The following LYPLAL1 variants were observed in gnomAD, a reference collection of about 807,000 sequenced individuals.
The protein encoded by LYPLAL1 is lysophospholipase-like protein 1.
A neutral mutation model predicts 19.7 loss-of-function variants in LYPLAL1; 23 were observed. The ratio of observed to expected loss-of-function variants is 1.17; its 90% confidence interval spans 0.84 to 1.65. LYPLAL1 has a LOEUF of 1.65. LYPLAL1 is among the 40% of genes most tolerant of loss of function. LYPLAL1 has a pLI of 0.00. For missense variants in LYPLAL1, 355 were observed against 279.4 expected, an observed-to-expected ratio of 1.27 and a Z score of -1.93; for synonymous variants, 119 against 96.3, an observed-to-expected ratio of 1.24 and a Z score of -1.38.
intron 2 of LYPLAL1, among the ~76,000 whole-genome samples, chr1:219,182,225 A>T (rs1656349225): frequency 6.9e-6 from 1 of 145,560 alleles, no homozygotes; most frequent in South Asian, 2.1e-4. Flanking sequence ...GTAGCTTTTA[A>T]CTGGTTTCCA....
the LYPLAL1 span, among the ~76,000 whole-genome samples, chr1:219,378,043 G>A: frequency 6.6e-6 from 1 of 152,158 alleles, no homozygotes. Context: ...ATGGTGAGGA[G>A]GATTTGGCCA....
the LYPLAL1 span, among the ~76,000 whole-genome samples, chr1:219,380,238 T>C: frequency 6.6e-6 from 1 of 152,318 alleles, no homozygotes; most frequent in African/African-American, 2.4e-5. Context: ...AATAAATGCC[T>C]GTGAAAACTA....
chr1:219,262,047 TG>T, the LYPLAL1 span, among the ~76,000 whole-genome samples: 1 of 152,106 alleles, frequency 6.6e-6, no homozygotes, highest in Non-Finnish European at 1.5e-5. Context: ...TATATTTTTT[TG>T]TTCTTTCTTA....
the LYPLAL1 span, among the ~76,000 whole-genome samples, chr1:219,321,917 G>A: frequency 1.3e-5 from 2 of 152,106 alleles, no homozygotes; most frequent in Non-Finnish European, 2.9e-5. Context: ...TTGAAGTTTT[G>A]GAAACTGGAA....
the LYPLAL1 span, among the ~76,000 whole-genome samples, chr1:219,238,431 G>T: frequency 6.7e-6 from 1 of 149,584 alleles, no homozygotes; most frequent in African/African-American, 2.5e-5. Context: ...GATTACAGGC[G>T]TGAGCCACTG....
the LYPLAL1 span, among the ~76,000 whole-genome samples, chr1:219,235,184 A>G: frequency 1.3e-5 from 2 of 152,318 alleles, no homozygotes; most frequent in South Asian, 4.1e-4. Context: ...GATGGCTGAC[A>G]AGACACTTTG....
At chr1:219,282,584 T>G in the LYPLAL1 span, among the ~76,000 whole-genome samples, 1 of 151,734 alleles carries the variant, frequency 6.6e-6, no homozygotes, top group Non-Finnish European at 1.5e-5. Flanking sequence ...CCTAGAAGCT[T>G]CCAAAGGGGA....
intron 2 of LYPLAL1, chr1:219,179,458 T>G (rs1019248341): frequency 2.1e-6 from 1 of 475,210 alleles, no homozygotes; most frequent in African/African-American, 2.0e-5. Flanking sequence ...TGTAAAGCAT[T>G]CCCTAAAGCT....
the LYPLAL1 span, among the ~76,000 whole-genome samples, chr1:219,381,807 CAA>C: frequency 1.3e-5 from 2 of 152,078 alleles, no homozygotes; most frequent in African/African-American, 4.8e-5. Flanking sequence ...ACTAAAGATA[CAA>C]AAAAGATTAA....
chr1:219,306,811 T>TGC, the LYPLAL1 span, among the ~76,000 whole-genome samples: 2,773 of 130,356 alleles, frequency 0.021, 104 homozygotes, highest in East Asian at 0.11. Flanking sequence ...CATAGATAGA[T>TGC]ATAGATAGAT....
chr1:219,436,012 C>T, the LYPLAL1 span, among the ~76,000 whole-genome samples: 8 of 152,252 alleles, frequency 5.3e-5, no homozygotes, highest in Non-Finnish European at 1.2e-4. Context: ...TTTCATTCTG[C>T]CCCAGTGCCA....
chr1:219,235,723 A>G, the LYPLAL1 span, among the ~76,000 whole-genome samples: 86 of 152,278 alleles, frequency 5.6e-4, 1 homozygote, highest in African/African-American at 2.0e-3. Flanking sequence ...CATGAGGAAG[A>G]TTTTTCGATG....
chr1:219,266,096 ATAAAT>A, the LYPLAL1 span, among the ~76,000 whole-genome samples: 10 of 152,146 alleles, frequency 6.6e-5, no homozygotes, highest in African/African-American at 1.4e-4. Context: ...TTCTTCAATA[ATAAAT>A]TAAACTTTGC....
the LYPLAL1 span, among the ~76,000 whole-genome samples, chr1:219,350,512 A>C: frequency 6.6e-6 from 1 of 152,224 alleles, no homozygotes; most frequent in Non-Finnish European, 1.5e-5. Context: ...AGCATTCTGC[A>C]CTTTGGTAGA....
chr1:219,188,063 A>G (rs1448782801), intron 2 of LYPLAL1, among the ~76,000 whole-genome samples: 1 of 151,776 alleles, frequency 6.6e-6, no homozygotes, highest in Non-Finnish European at 1.5e-5. Context: ...AGACATTGTT[A>G]TTTCTGGCTG....
chr1:219,425,783 T>C, the LYPLAL1 span, among the ~76,000 whole-genome samples: 3 of 152,232 alleles, frequency 2.0e-5, no homozygotes, highest in African/African-American at 7.2e-5. Flanking sequence ...GGTCATACCA[T>C]ACAAAGATAC....
At chr1:219,433,877 G>T in the LYPLAL1 span, among the ~76,000 whole-genome samples, 1 of 152,190 alleles carries the variant, frequency 6.6e-6, no homozygotes, top group Non-Finnish European at 1.5e-5. Context: ...TCAATTGTTT[G>T]TCGAATGAAT....
the LYPLAL1 span, among the ~76,000 whole-genome samples, chr1:219,322,960 T>G: frequency 6.6e-6 from 1 of 152,224 alleles, no homozygotes; most frequent in Non-Finnish European, 1.5e-5. Context: ...GAAAGTTCTG[T>G]GGGAAATTGG....
At chr1:219,204,595 C>G (rs1020473449) in intron 3 of LYPLAL1, among the ~76,000 whole-genome samples, 9 of 152,112 alleles carry the variant, frequency 5.9e-5, no homozygotes, top group Non-Finnish European at 1.3e-4. Flanking sequence ...TTTAAAATTG[C>G]CATTACATGT....
Sources: allele counts gnomAD v4.1 joint callset (sites outside exome capture counted in the v4.1 genomes callset), GRCh38; gene constraint gnomAD v4.1.1; transcripts MANE v1.5; gene names NCBI Gene and HGNC (gene_info 2026-07-23, HGNC 2026-07-21).